Variants in ZNF527 observed in about 807,000 individuals in gnomAD.
ZNF527 encodes the protein zinc finger protein 527.
ZNF527 carries 5 observed loss-of-function variants against 13.5 expected under a neutral mutation model. That is an observed-to-expected ratio of 0.37 (90% CI 0.19 to 0.78). The LOEUF (loss-of-function observed/expected upper bound fraction) is 0.78, where lower values mean the gene tolerates loss of function less well. Ranked by LOEUF, ZNF527 falls within the 30% of genes least tolerant of loss-of-function variation. The pLI is 0.48. For missense variants in ZNF527, 628 were observed against 726.4 expected, an observed-to-expected ratio of 0.86 and a Z score of 1.56; for synonymous variants, 209 against 243.1, an observed-to-expected ratio of 0.86 and a Z score of 1.30.
At chr19:37,373,657 G>T (rs1428659666) in intron 1 of ZNF527, among the ~76,000 whole-genome samples, 3 of 152,168 alleles carry the variant, frequency 2.0e-5, no homozygotes, top group African/African-American at 7.2e-5. Context: ...CTGGAACAGG[G>T]GTTCCCTTGA....
At chr19:37,380,984 G>A (rs1247100802) in intron 4 of ZNF527, among the ~76,000 whole-genome samples, 1 of 151,968 alleles carries the variant, frequency 6.6e-6, no homozygotes, top group South Asian at 2.1e-4. Flanking sequence ...TAAGGAGTTA[G>A]CACTTTCTTC....
intron 3 of ZNF527, 74 bp downstream of exon 3, chr19:37,379,320 A>G (rs2040633360): frequency 1.4e-6 from 2 of 1,468,844 alleles, no homozygotes; most frequent in African/African-American, 1.4e-5. Flanking sequence ...GAGAATATCT[A>G]GGACATCTTA....
Position 37,388,649 on chromosome 19 carries a change from C to T in ZNF527, c.600C>T (p.Phe200=), listed in dbSNP as rs1035654590. Residue 200 remains phenylalanine, a synonymous_variant, in exon 5 of 5, where the codon TTC becomes TTT. Transcript: ENST00000436120. Reference sequence around the variant, plus strand: ...AATTTGATATTTATGATAAACTCTTCCCCCAAAATTCAGTCATAATTGAAT... The same window carrying T: ...AATTTGATATTTATGATAAACTCTTTCCCCAAAATTCAGTCATAATTGAAT... The part of the protein sequence containing the change: ...VHKFDIYDKL[F]PQNSVIIEYK... The T allele has an allele frequency of 5.6e-6, 9 of 1,613,194 alleles. No individual in the cohort carries two copies. The highest frequency in any genetic ancestry group is 7.6e-6 in the Non-Finnish European group (9 of 1,179,768).
intron 4 of ZNF527, among the ~76,000 whole-genome samples, chr19:37,384,186 T>C (rs1162590173): frequency 9.9e-5 from 15 of 151,896 alleles, no homozygotes; most frequent in Non-Finnish European, 2.2e-4. Flanking sequence ...GGCGTGGTGG[T>C]GTGTTCCTGT....
chr19:37,382,899 G>T (rs1484745060), intron 4 of ZNF527, among the ~76,000 whole-genome samples: 1 of 152,096 alleles, frequency 6.6e-6, no homozygotes, highest in Non-Finnish European at 1.5e-5. Flanking sequence ...TAGAGACAGG[G>T]TTTCACCATG....
Position 37,388,538 on chromosome 19 carries a change from T to C in ZNF527, c.489T>C (p.Asn163=). 1 of 1,614,136 alleles carries C rather than the reference T, an allele frequency of 6.2e-7. No homozygotes were observed. The highest frequency in any genetic ancestry group is 1.1e-5 in the South Asian group (1 of 91,086). Residue 163 remains asparagine (N), a synonymous_variant, in exon 5 of 5, where the codon AAT becomes AAC. Coordinates refer to ENST00000436120, the MANE Select transcript of ZNF527 (RefSeq NM_032453.2). ...VKEISTGKRD[N]EFSNSGRSIP... Reference sequence around the variant, plus strand: ...AAATCTCTACTGGGAAAAGAGACAATGAATTTAGTAATTCTGGGAGAAGCA... The same window carrying C: ...AAATCTCTACTGGGAAAAGAGACAACGAATTTAGTAATTCTGGGAGAAGCA...
intron 4 of ZNF527, among the ~76,000 whole-genome samples, chr19:37,383,394 C>G (rs1335129199): frequency 2.6e-5 from 4 of 151,928 alleles, no homozygotes; most frequent in African/African-American, 7.3e-5. Context: ...CACCATCATG[C>G]CCAGATAATT....
chr19:37,372,764 T>A (rs912773994), intron 1 of ZNF527, among the ~76,000 whole-genome samples: 1 of 152,152 alleles, frequency 6.6e-6, no homozygotes, highest in Non-Finnish European at 1.5e-5. Flanking sequence ...TGAGCCACTG[T>A]GCCCAGCCTG....
At chr19:37,387,122 G>C (rs977102593) in intron 4 of ZNF527, among the ~76,000 whole-genome samples, 3 of 152,204 alleles carry the variant, frequency 2.0e-5, no homozygotes, top group African/African-American at 7.2e-5. Flanking sequence ...ACTGGAGACA[G>C]CTTTACTTTT....
chr19:37,384,882 G>T, intron 4 of ZNF527: 1 of 698,730 alleles, frequency 1.4e-6, no homozygotes, highest in Non-Finnish European at 2.6e-6. Context: ...TCACTCTGTT[G>T]CCCAGGCTGG....
At position 37,389,516 on chromosome 19, in the gene ZNF527, T is replaced by C. The variant is rs374242941; in HGVS notation, c.1467T>C (p.His489=). 1.1e-5 allele frequency: 17 copies of C among 1,613,384 alleles called. No individual in the cohort carries two copies. Among genetic ancestry groups the C allele is most frequent in the Middle Eastern group, 1.6e-4 (1 of 6,074 alleles). ...CTGACTCACAACTTAATCGACATCA[T>C]AGAATTCACACTGGAGAGAGACCAT... ...FRTDSQLNRH[H]RIHTGERPFE... is the part of the protein sequence containing the mutation. Residue 489 remains histidine (H), a synonymous_variant, in exon 5 of 5, where the codon CAT becomes CAC. Coordinates refer to ENST00000436120, the MANE Select transcript of ZNF527 (RefSeq NM_032453.2).
At chr19:37,385,544 T>A (rs2040690962) in intron 4 of ZNF527, 1 of 390,524 alleles carries the variant, frequency 2.6e-6, no homozygotes, top group African/African-American at 2.1e-5. Context: ...TCTTTTTTTG[T>A]TCATAATTTT....
intron 2 of ZNF527, among the ~76,000 whole-genome samples, chr19:37,375,321 T>TTTCTC (rs2040597071): frequency 6.8e-6 from 1 of 147,466 alleles, no homozygotes; most frequent in Non-Finnish European, 1.5e-5. Context: ...TTTTCTTTCT[T>TTTCTC]TCTTTCTTTC....
rs540327258 is a variant in ZNF527, at chr19:37,391,864, T to G, written c.*1985T>G. The stretch of plus-strand genomic sequence containing the variant: ...CTGGTGATATGGCAGCTGGGCCATC[T>G]TGAATAGTGAGAACCAGTAAGAATA... On this transcript the variant is annotated 3_prime_UTR_variant, in exon 5 of 5. Coordinates refer to ENST00000436120, the MANE Select transcript of ZNF527 (RefSeq NM_032453.2). The G allele has an allele frequency of 6.6e-6, 1 of 152,268 alleles. No homozygotes were observed. The highest frequency in any genetic ancestry group is 2.4e-5 in the African/African-American group (1 of 41,586). 9.4% of individuals were successfully genotyped at this position (152,268 alleles called of 1,614,324 possible).
intron 2 of ZNF527, among the ~76,000 whole-genome samples, chr19:37,375,014 G>A (rs773862945): frequency 2.6e-5 from 4 of 152,162 alleles, no homozygotes; most frequent in Admixed American, 1.3e-4. Context: ...TCAAGGATTC[G>A]TTGTGGCATG....
In ZNF527 at chr19:37,391,788, G is replaced by C. The variant is rs2040756975; in HGVS notation, c.*1909G>C. The C allele has an allele frequency of 6.6e-6, 1 of 152,118 alleles. No homozygotes were observed. The highest frequency in any genetic ancestry group is 2.4e-5 in the African/African-American group (1 of 41,432). 9.4% of individuals were successfully genotyped at this position (152,118 alleles called of 1,614,324 possible). A position where few individuals can be genotyped will look rare whatever the true frequency, so the allele number is the denominator to read the frequency against. ...TATTGGGAGTAATGAGGAAGATGAAGGTGTAGGGCAATACGTTTCTTTTTT... is the reference window on the plus strand; with the variant it reads ...TATTGGGAGTAATGAGGAAGATGAACGTGTAGGGCAATACGTTTCTTTTTT... On this transcript the variant is annotated 3_prime_UTR_variant, in exon 5 of 5. Coordinates refer to ENST00000436120, the MANE Select transcript of ZNF527 (RefSeq NM_032453.2).
intron 4 of ZNF527, 21 bp downstream of exon 4, chr19:37,380,393 C>G (rs370060584): frequency 1.2e-6 from 2 of 1,601,470 alleles, no homozygotes; most frequent in African/African-American, 2.7e-5. Context: ...GATCACCAGG[C>G]AGGGAGGACT....
In ZNF527 at chr19:37,388,796, T is replaced by A. The variant is rs759269545; in HGVS notation, c.747T>A (p.His249Gln). The change falls in exon 5 of 5, where the codon CAT becomes CAA. Residue 249 changes from histidine (H) to glutamine (Q), a missense_variant. Around this residue, in one of 3 missense-constraint regions of ZNF527, gnomAD observed 592 missense variants for 678.0 expected, o/e 0.87. Transcript: ENST00000436120. ...IPPGEKPYES[H>Q]DFSKLLSFHS... ...CTGGGGAGAAACCTTATGAAAGTCA[T>A]GATTTTTCAAAGCTCTTAAGTTTCC... 1 of 1,612,968 alleles carries A rather than the reference T, an allele frequency of 6.2e-7. No individual in the cohort carries two copies. Among genetic ancestry groups the A allele is most frequent in the Non-Finnish European group, 8.5e-7 (1 of 1,179,822 alleles).
In ZNF527 at chr19:37,374,203, C is replaced by T. The variant is rs749919073; in HGVS notation, c.5C>T (p.Ala2Val). The T allele has an allele frequency of 1.2e-5, 20 of 1,614,010 alleles. No individual in the cohort carries two copies. Among genetic ancestry groups the T allele is most frequent in the Non-Finnish European group, 1.5e-5 (18 of 1,179,926 alleles). Residue 2 changes from alanine (A) to valine (V), a missense_variant, in exon 2 of 5, where the codon GCT (alanine) becomes GTT (valine). This residue lies in a region of ZNF527 where 33 missense variants were observed against 31.2 expected (regional missense o/e 1.06). Transcript: ENST00000436120. M[A>V]VGLCKAMSQG... is the part of the protein sequence containing the mutation. Reference sequence around the variant, plus strand: ...GAGAAAACTGAAGAAGGAGGAATGGCTGTGGGGCTTTGTAAAGCCATGTCC... The same window carrying T: ...GAGAAAACTGAAGAAGGAGGAATGGTTGTGGGGCTTTGTAAAGCCATGTCC...
Sources: allele counts gnomAD v4.1 joint callset (sites outside exome capture counted in the v4.1 genomes callset), GRCh38; gene constraint gnomAD v4.1.1; regional missense constraint gnomAD v4.1.1; transcripts MANE v1.5; gene names NCBI Gene and HGNC (gene_info 2026-07-23, HGNC 2026-07-21).